DSP: variants seen among roughly 807,000 people sequenced by gnomAD.
DSP encodes the protein 250/210 kDa paraneoplastic pemphigus antigen.
DSP carries 114 observed loss-of-function variants against 290.6 expected under a neutral mutation model. The ratio of observed to expected loss-of-function variants is 0.39; its 90% CI spans 0.34 to 0.46. The LOEUF (loss-of-function observed/expected upper bound fraction) is 0.46, where lower values mean the gene tolerates loss of function less well. DSP is among the 20% of genes least tolerant of loss of function. The probability of loss-of-function intolerance (pLI) is 0.99; values close to 1 mark genes in which losing one functional copy is unlikely to be tolerated. For missense variants in DSP, 3,230 were observed against 3,495.8 expected (o/e 0.92, Z 1.92); for synonymous variants, 1,311 against 1,316.4 (o/e 1.00, Z 0.09).
At chr6:7,542,404 C>G (rs1359635837) in intron 1 of DSP, among the ~76,000 whole-genome samples, 1 of 152,168 alleles carries the variant, frequency 6.6e-6, no homozygotes, top group South Asian at 2.1e-4. Context: ...CCGCCTTTGT[C>G]CCAGCCCGCG....
chr6:7,583,300 G>A lies in DSP; in HGVS notation c.6038G>A (p.Arg2013Gln), dbSNP rs557263443. ...GCTTCTGAAATCCAGCCATTCCTTCGGGGTGCAGGATCTATCGCTGGAGCA... is the reference window on the plus strand; with the variant it reads ...GCTTCTGAAATCCAGCCATTCCTTCAGGGTGCAGGATCTATCGCTGGAGCA... ...EVASEIQPFL[R>Q]GAGSIAGASA... is the part of the protein sequence containing the mutation. The change falls in exon 24 of 24, where the codon CGG becomes CAG. Residue 2013 changes from arginine to glutamine, a missense_variant. By Grantham distance (43) the Arg-to-Gln change is conservative. This residue lies in a region of DSP where 1,714 missense variants were observed against 1,844.5 expected (regional missense o/e 0.93). Coordinates refer to ENST00000379802, the MANE Select transcript of DSP (RefSeq NM_004415.4). This position sits in a 1 kb window ranked among gnomAD's most constrained non-coding sequence, Gnocchi z 4.0. The A allele has an allele frequency of 1.3e-5, 21 of 1,614,188 alleles. No homozygotes were observed. In the Admixed American group the frequency reaches 1.5e-4, roughly 12 times the overall value.
At position 7,569,340 on chromosome 6, in the gene DSP, A is replaced by G. The variant is rs1468286343; in HGVS notation, c.1574A>G (p.Lys525Arg). ...CCACTGGCCGTGGACCTCTCTTGCA[A>G]GTAAGTCATCCAAGTTCCCAAAGCC... ...PNPLAVDLSC[K>R]IEQYYEAILA... Residue 525 changes from lysine to arginine, a missense_variant and splice_region_variant, in exon 12 of 24, where the codon AAG becomes AGG. Physicochemically the swap from Lys to Arg is conservative, Grantham distance 26. Transcript: ENST00000379802. The G allele has an allele frequency of 3.1e-6, 5 of 1,614,076 alleles. No individual in the cohort carries two copies. The highest frequency in any genetic ancestry group is 4.2e-6 in the Non-Finnish European group (5 of 1,180,046).
intron 4 of DSP, among the ~76,000 whole-genome samples, chr6:7,561,835 C>G (rs1004609454): frequency 6.6e-6 from 1 of 152,096 alleles, no homozygotes; most frequent in African/African-American, 2.4e-5. Context: ...CTTGGCATGT[C>G]CAAGAGATGA....
intron 20 of DSP, among the ~76,000 whole-genome samples, 163 bp from the exon 21 acceptor site, chr6:7,577,616 C>T (rs952678894): frequency 6.6e-6 from 1 of 152,198 alleles, no homozygotes; most frequent in Non-Finnish European, 1.5e-5. Context: ...GTGTGAGCCA[C>T]CACGCTAATG....
Position 7,542,062 on chromosome 6 carries a change from C to G in DSP, c.147C>G (p.Thr49=), listed in dbSNP as rs767558865. The G allele has an allele frequency of 1.9e-6, 3 of 1,568,266 alleles. No individual in the cohort carries two copies. The South Asian group carries it at 3.5e-5, about 18-fold the overall frequency. Residue 49 remains threonine (T), a synonymous_variant, in exon 1 of 24, where the codon ACC becomes ACG. Transcript: ENST00000379802. ...RMYYSRRGVI[T]DQNSDGYCQT... Reference sequence around the variant, plus strand: ...ACTATTCTCGGCGCGGCGTGATCACCGACCAGAACTCGGACGGCTACTGGT... The same window carrying G: ...ACTATTCTCGGCGCGGCGTGATCACGGACCAGAACTCGGACGGCTACTGGT...
chr6:7,562,798 A>G lies in DSP; in HGVS notation c.726+18A>G. 6.2e-7 allele frequency: 1 copy of G among 1,613,772 alleles called. No homozygotes were observed. Among genetic ancestry groups the G allele is most frequent in the Non-Finnish European group, 8.5e-7 (1 of 1,179,776 alleles). On this transcript the variant is annotated intron_variant, in intron 5 of 23. Transcript: ENST00000379802. ...CCGACCTGGTACTTGTCTGTGTTTC[A>G]TTTTAGAGTCTTCAAAATATCTACC...
chr6:7,567,496 C>T lies in DSP; in HGVS notation c.1140+47C>T, dbSNP rs768929646. ...TTTGTTGTTATTTAGGTCTTAATACCTAATCTTTTGAGTGTGTTTTATAAA... is the reference window on the plus strand; with the variant it reads ...TTTGTTGTTATTTAGGTCTTAATACTTAATCTTTTGAGTGTGTTTTATAAA... On this transcript the variant is annotated intron_variant, in intron 9 of 23. Transcript: ENST00000379802. The T allele has an allele frequency of 2.6e-5, 38 of 1,452,826 alleles. No individual in the cohort carries two copies. The South Asian group carries it at 2.8e-4, about 11-fold the overall frequency. The allele number at this position is 1,452,826 out of a possible 1,614,324, so 90.0% of individuals were successfully genotyped here. A position where few individuals can be genotyped will look rare whatever the true frequency, so the allele number is the denominator to read the frequency against.
In DSP at chr6:7,583,464, A is replaced by C. The variant is rs1482003976; in HGVS notation, c.6202A>C (p.Thr2068Pro). The change falls in exon 24 of 24, where the codon ACT becomes CCT. Residue 2068 changes from threonine (T) to proline (P), a missense_variant. Physicochemically the swap from Thr to Pro is conservative, Grantham distance 38 (BLOSUM62 -1). Coordinates refer to ENST00000379802, the MANE Select transcript of DSP (RefSeq NM_004415.4). The surrounding 1 kb of genome is among the most constrained non-coding windows in gnomAD (Gnocchi z 4.0). ...TGATCCCCATCGGAATGAGAAGCTG[A>C]CTGTCGACAGTGCCATAGCTCGGGA... ...IIDPHRNEKL[T>P]VDSAIARDLI... 1 of 1,614,156 alleles carries C rather than the reference A, an allele frequency of 6.2e-7. No homozygotes were observed.
In DSP at chr6:7,566,530, A is replaced by G. The variant is rs375675857; in HGVS notation, c.1044+49A>G. ...TTTGTTAGAAAAAAAAAAACTTTTC[A>G]TAAAGTAAGACTAACCAAATGAGTA... On this transcript the variant is annotated intron_variant, in intron 8 of 23. Transcript: ENST00000379802. The G allele has an allele frequency of 6.0e-5, 88 of 1,460,486 alleles. No individual in the cohort carries two copies. In the South Asian group the frequency reaches 7.1e-4, roughly 12 times the overall value. The allele number at this position is 1,460,486 out of a possible 1,614,324, so 90.5% of individuals were successfully genotyped here. A position where few individuals can be genotyped will look rare whatever the true frequency, so the allele number is the denominator to read the frequency against.
Position 7,547,569 on chromosome 6 carries a change from C to T in DSP, c.170+5484C>T, listed in dbSNP as rs560919766. On this transcript the variant is annotated intron_variant, in intron 1 of 23. Coordinates refer to ENST00000379802, the MANE Select transcript of DSP (RefSeq NM_004415.4). ...CAGCCTCTCGAGTAGCTTGGGACCA[C>T]AGGCGTGCGCCACCATACACAACTA... Among the ~76,000 whole-genome samples, 3 of 151,882 alleles carry T rather than the reference C, an allele frequency of 2.0e-5. No homozygotes were observed. The South Asian group carries it at 6.3e-4, about 32-fold the overall frequency.
At chr6:7,551,644 G>A (rs2113647202) in intron 1 of DSP, among the ~76,000 whole-genome samples, 1 of 151,872 alleles carries the variant, frequency 6.6e-6, no homozygotes, top group African/African-American at 2.4e-5. Flanking sequence ...AAAAAAAACA[G>A]GCATGTTTCC....
chr6:7,556,869 T>C (rs1408415482), intron 2 of DSP, among the ~76,000 whole-genome samples: 1 of 152,174 alleles, frequency 6.6e-6, no homozygotes, highest in Admixed American at 6.5e-5. Context: ...CCGATTCCTT[T>C]ACACAAAACA....
chr6:7,555,527 TACAC>T (rs906890396), intron 1 of DSP, among the ~76,000 whole-genome samples, 187 bp from the exon 2 acceptor site: 3 of 152,040 alleles, frequency 2.0e-5, no homozygotes, highest in Non-Finnish European at 2.9e-5. Context: ...CACAGATAAA[TACAC>T]ACACATCTAT....
rs35044648 is a variant in DSP, at chr6:7,562,373, G to GT, written c.598-265dup. Among the ~76,000 whole-genome samples the GT allele has an allele frequency of 0.03, 4,055 of 137,294 alleles. 63 individuals are homozygous for GT. Among genetic ancestry groups the GT allele is most frequent in the South Asian group, 0.076 (320 of 4,186 alleles). 90.1% of individuals were successfully genotyped at this position (137,294 alleles called of 152,430 possible). A position where few individuals can be genotyped will look rare whatever the true frequency, so the allele number is the denominator to read the frequency against. On this transcript the variant is annotated intron_variant, in intron 4 of 23. Coordinates refer to ENST00000379802, the MANE Select transcript of DSP (RefSeq NM_004415.4). ...GCTTGCCTGTGCACAGGTAGATTTG[G>GT]TTTTTTTTTTTTTTCAGAAGACATG...
At chr6:7,542,168 G>C in intron 1 of DSP, 83 bp downstream of exon 1, 4 of 1,514,510 alleles carry the variant, frequency 2.6e-6, no homozygotes, top group Non-Finnish European at 3.6e-6. Context: ...TGGGAGACTC[G>C]GGTCCCGAAG....
At chr6:7,554,384 A>G (rs1197198576) in intron 1 of DSP, among the ~76,000 whole-genome samples, 1 of 152,172 alleles carries the variant, frequency 6.6e-6, no homozygotes, top group South Asian at 2.1e-4. Context: ...TCGTTCTTTA[A>G]GATACAGACC....
intron 21 of DSP, 97 bp downstream of exon 21, chr6:7,577,983 C>A: frequency 2.0e-6 from 2 of 991,814 alleles, no homozygotes. Flanking sequence ...TGTCTCCTGC[C>A]TGTCTTCCTT....
In DSP at chr6:7,581,456, C is replaced by T; in HGVS notation, c.5266C>T (p.Leu1756=). Reference sequence around the variant, plus strand: ...AACCATCTTGGAACTAAGGAGCCAGCTGCAGATCAGCAACAACCGGACCCT... The same window carrying T: ...AACCATCTTGGAACTAAGGAGCCAGTTGCAGATCAGCAACAACCGGACCCT... ...NATILELRSQ[L]QISNNRTLEL... is the part of the protein sequence containing the mutation. The change falls in exon 23 of 24, where the codon CTG becomes TTG. Residue 1756 remains leucine (L), a synonymous_variant. Transcript: ENST00000379802. 1 of 1,612,674 alleles carries T rather than the reference C, an allele frequency of 6.2e-7. No individual in the cohort carries two copies. Among genetic ancestry groups the T allele is most frequent in the South Asian group, 1.1e-5 (1 of 90,908 alleles).
At position 7,583,290 on chromosome 6, in the gene DSP, C is replaced by T. The variant is rs781724800; in HGVS notation, c.6028C>T (p.Pro2010Ser). Residue 2010 changes from proline to serine, a missense_variant, in exon 24 of 24, where the codon CCA (proline) becomes TCA (serine). Pro to Ser is a moderately conservative substitution (Grantham distance 74). Coordinates refer to ENST00000379802, the MANE Select transcript of DSP (RefSeq NM_004415.4). The surrounding 1 kb of genome is among the most constrained non-coding windows in gnomAD (Gnocchi z 4.0). ...SVEEVASEIQ[P>S]FLRGAGSIAG... ...GGAAGAAGTTGCTTCTGAAATCCAG[C>T]CATTCCTTCGGGGTGCAGGATCTAT... 8.1e-6 allele frequency: 13 copies of T among 1,614,084 alleles called. No homozygotes were observed. In the South Asian group the frequency reaches 1.3e-4, roughly 16 times the overall value.
Sources: allele counts gnomAD v4.1 joint callset (sites outside exome capture counted in the v4.1 genomes callset), GRCh38; gene constraint gnomAD v4.1.1; regional missense constraint gnomAD v4.1.1; non-coding constraint Gnocchi (gnomAD v3.1); transcripts MANE v1.5; gene names NCBI Gene and HGNC (gene_info 2026-07-23, HGNC 2026-07-21).